Variants in THNSL1 observed in about 807,000 individuals in gnomAD.
THNSL1 encodes the protein threonine synthase-like 1.
Under a neutral mutation model 50.4 loss-of-function variants are expected in THNSL1, and 48 were observed. The observed-to-expected ratio is 0.95, with a 90% confidence interval of 0.76 to 1.21. The LOEUF is 1.21. THNSL1 is among the 50% of genes most tolerant of loss of function. The probability of loss-of-function intolerance (pLI) is 0.00; values close to 1 mark genes in which losing one functional copy is unlikely to be tolerated. For missense variants in THNSL1, 896 were observed against 871.7 expected (o/e 1.03, Z -0.35); for synonymous variants, 309 against 306.1 (o/e 1.01, Z -0.10).
the THNSL1 span, among the ~76,000 whole-genome samples, chr10:24,993,196 C>G: frequency 6.6e-6 from 1 of 152,086 alleles, no homozygotes; most frequent in Non-Finnish European, 1.5e-5. Context: ...AAAAAAAACT[C>G]ACAAATGAGC....
chr10:24,974,469 C>T, the THNSL1 span, among the ~76,000 whole-genome samples: 1 of 152,086 alleles, frequency 6.6e-6, no homozygotes, highest in Non-Finnish European at 1.5e-5. Context: ...AGAAAGTAGA[C>T]GTCTTATGAA....
chr10:24,968,187 T>A, the THNSL1 span, among the ~76,000 whole-genome samples: 7 of 152,138 alleles, frequency 4.6e-5, no homozygotes. Flanking sequence ...TACTTTTGAT[T>A]CTAATATAGG....
chr10:25,007,226 C>A, the THNSL1 span, among the ~76,000 whole-genome samples: 1 of 151,994 alleles, frequency 6.6e-6, no homozygotes, highest in Non-Finnish European at 1.5e-5. Context: ...AGATATTAAA[C>A]CTTGTTCTGT....
chr10:24,966,484 G>A, the THNSL1 span, among the ~76,000 whole-genome samples: 9 of 152,168 alleles, frequency 5.9e-5, no homozygotes. Context: ...ACAATTTCCA[G>A]CATTAACTGA....
At chr10:24,995,714 C>CA in the THNSL1 span, 1 of 1,614,002 alleles carries the variant, frequency 6.2e-7, no homozygotes, top group Non-Finnish European at 8.5e-7. Flanking sequence ...GTTCTTTTAT[C>CA]AACATAAATT....
the THNSL1 span, among the ~76,000 whole-genome samples, chr10:24,960,355 TAA>T: frequency 6.6e-6 from 1 of 152,180 alleles, no homozygotes; most frequent in Non-Finnish European, 1.5e-5. Flanking sequence ...GCTCTCACAT[TAA>T]GAGTCCTATG....
At chr10:24,961,315 T>C in the THNSL1 span, among the ~76,000 whole-genome samples, 3 of 152,220 alleles carry the variant, frequency 2.0e-5, no homozygotes, top group Non-Finnish European at 4.4e-5. Flanking sequence ...GAAATAGCAA[T>C]GCCATCACTT....
upstream of THNSL1, among the ~76,000 whole-genome samples, chr10:25,016,504 G>T (rs1234269153): frequency 1.3e-5 from 2 of 152,202 alleles, no homozygotes; most frequent in African/African-American, 4.8e-5. Flanking sequence ...GGCCAGCGCC[G>T]CCAGGGAGAC....
chr10:24,999,496 T>C, the THNSL1 span: 6 of 1,612,960 alleles, frequency 3.7e-6, no homozygotes, highest in Non-Finnish European at 4.2e-6. Flanking sequence ...CATTGCAGTT[T>C]TAGCTTTTTG....
At chr10:24,963,106 G>C in the THNSL1 span, among the ~76,000 whole-genome samples, 6 of 152,168 alleles carry the variant, frequency 3.9e-5, no homozygotes, top group Non-Finnish European at 8.8e-5. Context: ...ATCAGCCACA[G>C]AGTACAGCTG....
chr10:25,019,523 CAAAA>C (rs1303310824), intron 1 of THNSL1, among the ~76,000 whole-genome samples: 2 of 152,078 alleles, frequency 1.3e-5, no homozygotes, highest in African/African-American at 2.4e-5. Context: ...ATACCACAAA[CAAAA>C]AAGCAAATTA....
At position 25,024,186 on chromosome 10, in the gene THNSL1, CTT is replaced by C; in HGVS notation, c.965_966del (p.Phe322CysfsTer29). The C allele has an allele frequency of 2.5e-6, 4 of 1,614,226 alleles. No individual in the cohort carries two copies. The highest frequency in any genetic ancestry group is 2.5e-6 in the Non-Finnish European group (3 of 1,180,026). On this transcript the variant is annotated frameshift_variant, in exon 3 of 3. Transcript: ENST00000376356. LOFTEE classifies it high-confidence loss of function. ...TGATTGAAACTGCTTATGGGGAAAACTTTGCCTGCTCAAAAATTGCTCCTGTC... is the reference window on the plus strand; with the variant it reads ...TGATTGAAACTGCTTATGGGGAAAACTGCCTGCTCAAAAATTGCTCCTGTC... ...EMIETAYGENFACSKIAPVRH... is the reference protein window; with the variant it reads ...EMIETAYGENXACSKIAPVRH...
the THNSL1 span, chr10:24,990,674 T>G: frequency 7.0e-7 from 1 of 1,429,128 alleles, no homozygotes; most frequent in Non-Finnish European, 9.5e-7. Context: ...TGGGTACGTA[T>G]CAACTGATGA....
rs534630985 is a variant in THNSL1, at chr10:25,024,140, C to G, written c.917C>G (p.Pro306Arg). The change falls in exon 3 of 3, where the codon CCT becomes CGT. Residue 306 changes from proline (P) to arginine (R), a missense_variant. Transcript: ENST00000376356. ...LERCIHPADIPAARLGEMIET... is the reference protein window; with the variant it reads ...LERCIHPADIRAARLGEMIET... ...AGATGTATCCATCCTGCAGACATAC[C>G]TGCTGCCAGGTTGGGAGAAATGATT... The G allele has an allele frequency of 6.2e-7, 1 of 1,614,168 alleles. No homozygotes were observed. Among genetic ancestry groups the G allele is most frequent in the South Asian group, 1.1e-5 (1 of 91,088 alleles).
the THNSL1 span, among the ~76,000 whole-genome samples, chr10:24,973,902 C>T: frequency 2.0e-5 from 3 of 152,040 alleles, no homozygotes; most frequent in Admixed American, 6.6e-5. Context: ...TACAGGCGTT[C>T]GCCACCACGC....
At chr10:25,006,793 A>T in the THNSL1 span, among the ~76,000 whole-genome samples, 1 of 152,190 alleles carries the variant, frequency 6.6e-6, no homozygotes, top group African/African-American at 2.4e-5. Context: ...GAACTGTGCA[A>T]ACCAATTAAA....
At chr10:24,969,429 A>G in the THNSL1 span, among the ~76,000 whole-genome samples, 6 of 152,252 alleles carry the variant, frequency 3.9e-5, no homozygotes, top group Non-Finnish European at 7.3e-5. Context: ...AGAAAAAATC[A>G]TATAACATGG....
upstream of THNSL1, chr10:25,016,199 G>A (rs1052941086): frequency 4.3e-6 from 5 of 1,171,542 alleles, no homozygotes; most frequent in African/African-American, 7.9e-5. Context: ...CGAGGAAGTG[G>A]CAGGCAGCAC....
chr10:24,997,343 C>A, the THNSL1 span, among the ~76,000 whole-genome samples: 1 of 151,430 alleles, frequency 6.6e-6, no homozygotes, highest in African/African-American at 2.4e-5. Flanking sequence ...CTCATTGGAC[C>A]GAGTTTTTAA....
Sources: gnomAD v4.1 joint callset for allele counts (sites outside exome capture counted in the v4.1 genomes callset) on GRCh38, gnomAD v4.1.1 for gene constraint, MANE v1.5 for transcripts, NCBI Gene and HGNC (gene_info 2026-07-23, HGNC 2026-07-21) for gene names.